MUS81: variants seen among roughly 807,000 people sequenced by gnomAD.
MUS81 encodes MUS81 structure-specific endonuclease subunit, also known as structure-specific endonuclease subunit MUS81.
Under a neutral mutation model 74.2 loss-of-function variants are expected in MUS81, and 69 were observed. The ratio of observed to expected loss-of-function variants is 0.93; its 90% CI spans 0.77 to 1.14. The LOEUF (loss-of-function observed/expected upper bound fraction) is 1.14, where lower values mean the gene tolerates loss of function less well. Among genes scored for constraint, MUS81 ranks in the 50% most tolerant of loss-of-function variants. MUS81 has a pLI of 0.00. For missense variants in MUS81, 711 were observed against 726.5 expected (o/e 0.98, Z 0.25); for synonymous variants, 303 against 300.6 (o/e 1.01, Z -0.08).
At chr11:65,865,639 C>CATG in intron 14 of MUS81, 172 bp from the exon 15 acceptor site, 1 of 714,398 alleles carries the variant, frequency 1.4e-6, no homozygotes, top group South Asian at 1.8e-5. Flanking sequence ...CCCAGAGTTC[C>CATG]CACAGGGAGG....
chr11:65,862,060 A>G lies in MUS81; in HGVS notation c.450+15A>G, dbSNP rs1249672708. On this transcript the variant is annotated intron_variant, in intron 4 of 15. Transcript: ENST00000308110. ...GGGAGCACCTGGTGAGCACTGGGCT[A>G]CACCGGGAGGCGGAACCATGGCAGT... is the stretch of plus-strand genomic sequence containing the variant. 11 of 1,604,682 alleles carry G rather than the reference A, an allele frequency of 6.9e-6. 1 individual carries two copies. The East Asian group carries it at 2.5e-4, about 36-fold the overall frequency.
upstream of MUS81, chr11:65,860,064 C>CCTCT: frequency 3.5e-6 from 1 of 289,378 alleles, no homozygotes; most frequent in Non-Finnish European, 7.4e-6. Context: ...TCCCCGACTT[C>CCTCT]CTCTCCACCA....
At chr11:65,861,822 C>G in intron 3 of MUS81, 125 bp from the exon 4 acceptor site, 1 of 755,034 alleles carries the variant, frequency 1.3e-6, no homozygotes, top group Non-Finnish European at 2.2e-6. Flanking sequence ...ATCACCTGGC[C>G]CATTTTACAG....
intron 3 of MUS81, chr11:65,861,651 C>T: frequency 1.7e-6 from 1 of 604,520 alleles, no homozygotes; most frequent in Non-Finnish European, 2.9e-6. Flanking sequence ...ACTTAAGGAT[C>T]CCAGCTCAGT....
chr11:65,867,440 G>A (rs1416133528), downstream of MUS81: 5 of 436,750 alleles, frequency 1.1e-5, no homozygotes, highest in African/African-American at 2.0e-5. Context: ...AGAAGGGCTG[G>A]TACTAGACAA....
In MUS81 at chr11:65,861,365, A is replaced by C; in HGVS notation, c.281A>C (p.Asp94Ala). Residue 94 changes from aspartate to alanine, a missense_variant, in exon 3 of 16, where the codon GAC (aspartate) becomes GCC (alanine). Transcript: ENST00000308110. ...TCTCCCGCAGGTGACCATGCCCCGG[A>C]CTCACCATCTGGAGAGAACAGTCCA... ...HRTSGGDHAP[D>A]SPSGENSPAP... The C allele has an allele frequency of 6.3e-7, 1 of 1,599,702 alleles. No homozygotes were observed. The highest frequency in any genetic ancestry group is 1.7e-5 in the Admixed American group (1 of 58,742).
At chr11:65,862,657 C>A in intron 6 of MUS81, 128 bp downstream of exon 6, 1 of 882,160 alleles carries the variant, frequency 1.1e-6, no homozygotes, top group East Asian at 2.6e-5. Flanking sequence ...TCAGGAGCCC[C>A]CACTGTTGGA....
rs1343385804 is a variant in MUS81, at chr11:65,860,991, C to T, written c.154C>T (p.Arg52Trp). ...VFQKALRSLR[R>W]YPLPLRSGKE... The stretch of plus-strand genomic sequence containing the variant: ...CGGCCAGGCGCTGCGTTCCCTCCGA[C>T]GGTACCCACTGCCGCTGCGCAGCGG... Residue 52 changes from arginine (R) to tryptophan (W), a missense_variant, in exon 2 of 16, where the codon CGG becomes TGG. By Grantham distance (101) the Arg-to-Trp change is moderately radical. Transcript: ENST00000308110. 1 of 1,612,170 alleles carries T rather than the reference C, an allele frequency of 6.2e-7. No homozygotes were observed. The highest frequency in any genetic ancestry group is 1.1e-5 in the South Asian group (1 of 91,080).
Position 65,861,036 on chromosome 11 carries a change from C to T in MUS81, c.199C>T (p.Gln67Ter). ...LRSGKEAKIL[Q>*]HFGDGLCRML... ...CAGCGGGAAGGAAGCTAAGATCCTA[C>T]AGCACTTCGGAGACGGGCTCTGCCG... Residue 67 changes from glutamine to a stop codon, truncating the protein, a stop_gained, in exon 2 of 16, where the codon CAG (glutamine) becomes TAG (stop). Coordinates refer to ENST00000308110, the MANE Select transcript of MUS81 (RefSeq NM_025128.5). LOFTEE classifies it high-confidence loss of function. 1 of 1,612,758 alleles carries T rather than the reference C, an allele frequency of 6.2e-7. No individual in the cohort carries two copies. Among genetic ancestry groups the T allele is most frequent in the Non-Finnish European group, 8.5e-7 (1 of 1,179,994 alleles).
At position 65,861,403 on chromosome 11, in the gene MUS81, C is replaced by A; in HGVS notation, c.319C>A (p.Arg107=). 6.2e-7 allele frequency: 1 copy of A among 1,604,820 alleles called. No homozygotes were observed. Among genetic ancestry groups the A allele is most frequent in the Non-Finnish European group, 8.5e-7 (1 of 1,174,848 alleles). The change falls in exon 3 of 16, where the codon CGA becomes AGA. Residue 107 remains arginine, a synonymous_variant. Transcript: ENST00000308110. ...SGENSPAPQG[R]LAEVQDSSMP... ...AGAGAACAGTCCAGCCCCGCAGGGG[C>A]GACTTGCGGAAGTCCAGGACTCTTC...
At chr11:65,863,526 G>A (rs1381290162) in intron 8 of MUS81, 24 bp downstream of exon 8, 1 of 1,614,116 alleles carries the variant, frequency 6.2e-7, no homozygotes, top group East Asian at 2.2e-5. Context: ...GGAGAAACGA[G>A]GGAGATGATC....
At chr11:65,863,337 G>A (rs1000243509) in intron 7 of MUS81, 73 bp from the exon 8 acceptor site, 9 of 1,595,772 alleles carry the variant, frequency 5.6e-6, no homozygotes, top group Admixed American at 5.2e-5. Flanking sequence ...GGTGGGTGTC[G>A]GGTGGCATGG....
At position 65,861,032 on chromosome 11, in the gene MUS81, C is replaced by G; in HGVS notation, c.195C>G (p.Ile65Met). ...TGCGCAGCGGGAAGGAAGCTAAGAT[C>G]CTACAGCACTTCGGAGACGGGCTCT... ...LPLRSGKEAK[I>M]LQHFGDGLCR... Residue 65 changes from isoleucine to methionine, a missense_variant, in exon 2 of 16, where the codon ATC becomes ATG. Physicochemically the swap from Ile to Met is conservative, Grantham distance 10. Transcript: ENST00000308110. 6.2e-7 allele frequency: 1 copy of G among 1,612,748 alleles called. No individual in the cohort carries two copies. Among genetic ancestry groups the G allele is most frequent in the Non-Finnish European group, 8.5e-7 (1 of 1,179,974 alleles).
Position 65,864,805 on chromosome 11 carries a change from G to C in MUS81, c.1262G>C (p.Arg421Thr), listed in dbSNP as rs1565269135. 2 of 1,612,886 alleles carry C rather than the reference G, an allele frequency of 1.2e-6. No individual in the cohort carries two copies. The highest frequency in any genetic ancestry group is 1.7e-6 in the Non-Finnish European group (2 of 1,179,890). Reference sequence around the variant, plus strand: ...GCCCTCTTGACGCGGGGCCTGCAGAGACTCTACCAGGTGAGCAGAGGCCCC... The same window carrying C: ...GCCCTCTTGACGCGGGGCCTGCAGACACTCTACCAGGTGAGCAGAGGCCCC... ...YLALLTRGLQ[R>T]LYQGHTLRSR... The change falls in exon 12 of 16, where the codon AGA becomes ACA. Residue 421 changes from arginine to threonine, a missense_variant. Physicochemically the swap from Arg to Thr is moderately conservative, Grantham distance 71. Coordinates refer to ENST00000308110, the MANE Select transcript of MUS81 (RefSeq NM_025128.5).
Position 65,863,708 on chromosome 11 carries a change from T to A in MUS81, c.948T>A (p.Asn316Lys). ...TTGTGTGGGTGGCCCAGGAGACCAA[T>A]CCTAGAGACCCAGGTGAAGGGCCGT... The part of the protein sequence containing the change: ...GDFVWVAQET[N>K]PRDPANPGEL... Residue 316 changes from asparagine (N) to lysine (K), a missense_variant, in exon 9 of 16, where the codon AAT becomes AAA. Coordinates refer to ENST00000308110, the MANE Select transcript of MUS81 (RefSeq NM_025128.5). 1 of 1,613,754 alleles carries A rather than the reference T, an allele frequency of 6.2e-7. No homozygotes were observed. Among genetic ancestry groups the A allele is most frequent in the Non-Finnish European group, 8.5e-7 (1 of 1,179,896 alleles).
At position 65,865,999 on chromosome 11, in the gene MUS81, G is replaced by A. The variant is rs753882035; in HGVS notation, c.1603G>A (p.Ala535Thr). ...CTCTTCCTGCAGGAATCTGGGGCCT[G>A]CTCTGAGCAGGACCTTATCCCAGCT... ...CGRLQRNLGP[A>T]LSRTLSQLYC... The change falls in exon 16 of 16, where the codon GCT becomes ACT. Residue 535 changes from alanine to threonine, a missense_variant. By Grantham distance (58) the Ala-to-Thr change is moderately conservative. Coordinates refer to ENST00000308110, the MANE Select transcript of MUS81 (RefSeq NM_025128.5). 2.2e-5 allele frequency: 36 copies of A among 1,614,078 alleles called. No homozygotes were observed. The highest frequency in any genetic ancestry group is 3.0e-5 in the Non-Finnish European group (35 of 1,179,988).
In MUS81 at chr11:65,863,717, C is replaced by G. The variant is rs759906850; in HGVS notation, c.957C>G (p.Asp319Glu). 6.2e-7 allele frequency: 1 copy of G among 1,614,010 alleles called. No individual in the cohort carries two copies. The highest frequency in any genetic ancestry group is 8.5e-7 in the Non-Finnish European group (1 of 1,179,948). Reference sequence around the variant, plus strand: ...TGGCCCAGGAGACCAATCCTAGAGACCCAGGTGAAGGGCCGTGGACAGGCT... The same window carrying G: ...TGGCCCAGGAGACCAATCCTAGAGAGCCAGGTGAAGGGCCGTGGACAGGCT... ...VWVAQETNPR[D>E]PANPGELVLD... The change falls in exon 9 of 16, where the codon GAC (aspartate) becomes GAG (glutamate). Residue 319 changes from aspartate (D) to glutamate (E), a missense_variant. By Grantham distance (45) the Asp-to-Glu change is conservative (BLOSUM62 2). Transcript: ENST00000308110.
In MUS81 at chr11:65,861,027, A is replaced by G. The variant is rs1370927444; in HGVS notation, c.190A>G (p.Lys64Glu). Reference protein sequence around the residue: ...PLPLRSGKEAKILQHFGDGLC... With the variant: ...PLPLRSGKEAEILQHFGDGLC... ...GCCGCTGCGCAGCGGGAAGGAAGCT[A>G]AGATCCTACAGCACTTCGGAGACGG... The change falls in exon 2 of 16, where the codon AAG becomes GAG. Residue 64 changes from lysine (K) to glutamate (E), a missense_variant. Transcript: ENST00000308110. The G allele has an allele frequency of 5.0e-6, 8 of 1,612,500 alleles. No individual in the cohort carries two copies. The highest frequency in any genetic ancestry group is 4.5e-5 in the East Asian group (2 of 44,880).
At chr11:65,864,993 G>A in intron 12 of MUS81, 24 bp from the exon 13 acceptor site, 1 of 1,611,902 alleles carries the variant, frequency 6.2e-7, no homozygotes, top group Admixed American at 1.7e-5. Flanking sequence ...GCTCCAGCCT[G>A]GCCTCAGTCC....
Sources: gnomAD v4.1 joint callset for allele counts on GRCh38, gnomAD v4.1.1 for gene constraint, MANE v1.5 for transcripts, NCBI Gene and HGNC (gene_info 2026-07-23, HGNC 2026-07-21) for gene names.